The following OPCML variants were observed in gnomAD, a reference collection of about 807,000 sequenced individuals.
OPCML encodes the protein opioid binding protein/cell adhesion molecule like, also known as opioid-binding protein/cell adhesion molecule.
In OPCML, 13 loss-of-function variants were observed where a neutral mutation model predicts 37.8. The observed-to-expected ratio is 0.34, with a 90% confidence interval of 0.22 to 0.55. OPCML has a LOEUF of 0.55. Among genes scored for constraint, OPCML ranks in the 20% least tolerant of loss-of-function variants. The pLI, the probability that OPCML is intolerant of heterozygous loss-of-function variation, is 0.91. For synonymous variants in OPCML, 176 were observed against 168.8 expected (o/e 1.04, Z -0.33); for missense variants, 341 against 435.6 (o/e 0.78, Z 1.93).
At chr11:133,283,951 C>T (rs938356631) in intron 1 of OPCML, among the ~76,000 whole-genome samples, 1 of 152,150 alleles carries the variant, frequency 6.6e-6, no homozygotes, top group African/African-American at 2.4e-5. Flanking sequence ...TCGCTTCCCC[C>T]CCCAGTACCT....
chr11:132,730,199 A>G lies in OPCML; in HGVS notation c.147-72880T>C, dbSNP rs567779712. Among the ~76,000 whole-genome samples, 3 of 151,924 alleles carry G rather than the reference A, an allele frequency of 2.0e-5. No homozygotes were observed. In the East Asian group the frequency reaches 5.8e-4, roughly 30 times the overall value. ...AGCTAATTTTTTTTGTATTTTCAGT[A>G]GAGATTTCTATGCAGCCTAACTAAA... On this transcript the variant is annotated intron_variant, in intron 2 of 7. Transcript: ENST00000524381.
chr11:133,388,286 T>C (rs1207471316), intron 1 of OPCML, among the ~76,000 whole-genome samples: 3 of 152,164 alleles, frequency 2.0e-5, no homozygotes, highest in Non-Finnish European at 4.4e-5. Context: ...GTGTAACTAT[T>C]GGGTACTTTG....
chr11:132,813,450 A>G (rs1419211998), intron 2 of OPCML, among the ~76,000 whole-genome samples: 4 of 152,198 alleles, frequency 2.6e-5, no homozygotes, highest in Non-Finnish European at 5.9e-5. Context: ...GAGCACCATA[A>G]CCGTCATTTT....
At chr11:132,688,510 G>C (rs1196007963) in intron 2 of OPCML, among the ~76,000 whole-genome samples, 1 of 152,064 alleles carries the variant, frequency 6.6e-6, no homozygotes, top group Non-Finnish European at 1.5e-5. Flanking sequence ...CCAATTAAAG[G>C]CTGTAATTTA....
At chr11:132,787,964 T>TC (rs1947279150) in intron 2 of OPCML, among the ~76,000 whole-genome samples, 1 of 152,234 alleles carries the variant, frequency 6.6e-6, no homozygotes, top group Non-Finnish European at 1.5e-5. Context: ...CACTGCAACC[T>TC]CCGCCTCCTG....
chr11:132,817,559 A>G (rs1019109387), intron 2 of OPCML, among the ~76,000 whole-genome samples: 1 of 152,114 alleles, frequency 6.6e-6, no homozygotes, highest in Non-Finnish European at 1.5e-5. Flanking sequence ...GTTTTTCTGG[A>G]TATATGCCTA....
chr11:132,965,846 A>G (rs1946201762), intron 1 of OPCML, among the ~76,000 whole-genome samples: 1 of 152,090 alleles, frequency 6.6e-6, no homozygotes, highest in Admixed American at 6.6e-5. Flanking sequence ...ACAACTGTTG[A>G]TAGTGTTTTA....
chr11:132,931,233 G>T (rs921483616), intron 2 of OPCML, among the ~76,000 whole-genome samples: 3 of 151,368 alleles, frequency 2.0e-5, no homozygotes, highest in African/African-American at 7.3e-5. Context: ...TAGGAAAAAA[G>T]CTTCATGAGA....
intron 7 of OPCML, among the ~76,000 whole-genome samples, chr11:132,432,530 C>T (rs552629002): frequency 2.1e-4 from 32 of 152,194 alleles, no homozygotes; most frequent in Non-Finnish European, 3.7e-4. Flanking sequence ...ATTCAGCCAG[C>T]GAGCAGCATA....
chr11:132,753,633 T>A (rs1945920513), intron 2 of OPCML, among the ~76,000 whole-genome samples: 1 of 152,196 alleles, frequency 6.6e-6, no homozygotes, highest in African/African-American at 2.4e-5. Flanking sequence ...TATCTGCCTG[T>A]CAATCTGCAT....
chr11:132,900,747 C>T (rs1008425837), intron 2 of OPCML, among the ~76,000 whole-genome samples: 1 of 152,154 alleles, frequency 6.6e-6, no homozygotes, highest in African/African-American at 2.4e-5. Context: ...CTAACTCCAG[C>T]TCCTTCATGT....
chr11:133,060,823 T>C (rs1234188699), intron 1 of OPCML, among the ~76,000 whole-genome samples: 3 of 152,222 alleles, frequency 2.0e-5, no homozygotes, highest in African/African-American at 4.8e-5. Context: ...CATGCAGAGA[T>C]GACAGGCTCA....
At chr11:132,596,336 A>C (rs1431035900) in intron 3 of OPCML, among the ~76,000 whole-genome samples, 1 of 152,120 alleles carries the variant, frequency 6.6e-6, no homozygotes, top group Non-Finnish European at 1.5e-5. Flanking sequence ...TTTTATTTCT[A>C]TGTGTCTCCC....
At chr11:132,706,209 C>G (rs1328164498) in intron 2 of OPCML, among the ~76,000 whole-genome samples, 1 of 152,168 alleles carries the variant, frequency 6.6e-6, no homozygotes, top group East Asian at 1.9e-4. Flanking sequence ...CGATGCCTAT[C>G]CAGACTCCAA....
chr11:132,459,169 G>A (rs984422473), intron 4 of OPCML, among the ~76,000 whole-genome samples: 5 of 152,072 alleles, frequency 3.3e-5, no homozygotes, highest in Middle Eastern at 3.2e-3. Flanking sequence ...ACAGGAACCC[G>A]CTCCTGCCCT....
At chr11:133,493,582 C>CCATTATTCCA (rs1947713698) in intron 1 of OPCML, among the ~76,000 whole-genome samples, 1 of 151,854 alleles carries the variant, frequency 6.6e-6, no homozygotes, top group South Asian at 2.1e-4. Context: ...GGCAGTATAA[C>CCATTATTCCA]CTATTTCTCT....
chr11:133,520,244 G>A (rs1432652088), intron 1 of OPCML, among the ~76,000 whole-genome samples: 2 of 152,028 alleles, frequency 1.3e-5, no homozygotes, highest in Non-Finnish European at 2.9e-5. Flanking sequence ...AGTGTGCGTG[G>A]GAGGTTCCTG....
At chr11:133,231,617 A>G (rs1395535669) in intron 1 of OPCML, among the ~76,000 whole-genome samples, 1 of 152,156 alleles carries the variant, frequency 6.6e-6, no homozygotes, top group Non-Finnish European at 1.5e-5. Context: ...TCCCAGCAAC[A>G]TGTTGATGAA....
intron 2 of OPCML, among the ~76,000 whole-genome samples, chr11:132,659,544 A>G (rs1041851581): frequency 6.6e-6 from 1 of 152,174 alleles, no homozygotes; most frequent in African/African-American, 2.4e-5. Context: ...AACCCAAGTG[A>G]CTAAGTGCAA....
Sources: gnomAD v4.1 joint callset for allele counts (sites outside exome capture counted in the v4.1 genomes callset) on GRCh38, gnomAD v4.1.1 for gene constraint, MANE v1.5 for transcripts, NCBI Gene and HGNC (gene_info 2026-07-23, HGNC 2026-07-21) for gene names.